Variants in VGF observed in about 807,000 individuals in gnomAD.
VGF encodes VGF nerve growth factor inducible.
A neutral mutation model predicts 41.1 loss-of-function variants in VGF; 13 were observed. That is an observed-to-expected ratio of 0.32 (90% CI 0.21 to 0.50). VGF has a LOEUF of 0.50. VGF is among the 20% of genes least tolerant of loss of function. The pLI, the probability that VGF is intolerant of heterozygous loss-of-function variation, is 0.98. For synonymous variants in VGF, 473 were observed against 418.3 expected (o/e 1.13, Z -1.60); for missense variants, 920 against 882.1 (o/e 1.04, Z -0.54).
chr7:101,166,999 C>T (rs1674394010), upstream of VGF, among the ~76,000 whole-genome samples: 1 of 152,032 alleles, frequency 6.6e-6, no homozygotes, highest in African/African-American at 2.4e-5. Flanking sequence ...ACACGCAGGG[C>T]ACCCGCACCC....
upstream of VGF, among the ~76,000 whole-genome samples, chr7:101,169,343 C>A (rs1216357492): frequency 6.6e-6 from 1 of 152,114 alleles, no homozygotes; most frequent in Non-Finnish European, 1.5e-5. Context: ...CAGACACACA[C>A]ACACCATCAA....
chr7:101,163,714 C>T lies in VGF; in HGVS notation c.1130G>A (p.Arg377Lys), dbSNP rs905932070. The T allele has an allele frequency of 2.8e-5, 43 of 1,535,128 alleles. No individual in the cohort carries two copies. The highest frequency in any genetic ancestry group is 1.2e-4 in the African/African-American group (9 of 72,852). ...CGCCTCCTCATCCTCTTCCCCCACC[C>T]TCTCCTCCCCGCCGCGTCTCTCCTG... ...AEQERRGGEE[R>K]VGEEDEEAAE... The change falls in exon 2 of 2, where the codon AGG (arginine) becomes AAG (lysine). Residue 377 changes from arginine (R) to lysine (K), a missense_variant. Physicochemically the swap from Arg to Lys is conservative, Grantham distance 26. Transcript: ENST00000249330. This position sits in a 1 kb window ranked among gnomAD's most constrained non-coding sequence, Gnocchi z 5.0.
chr7:101,165,128 C>T, intron 1 of VGF: 1 of 1,173,958 alleles, frequency 8.5e-7, no homozygotes, highest in Non-Finnish European at 1.1e-6. Flanking sequence ...TGCCATCGCC[C>T]ACGTACTAAG....
In VGF at chr7:101,163,201, T is replaced by G. The variant is rs779183148; in HGVS notation, c.1643A>C (p.Asn548Thr). The change falls in exon 2 of 2, where the codon AAC (asparagine) becomes ACC (threonine). Residue 548 changes from asparagine (N) to threonine (T), a missense_variant. This residue lies in a region of VGF where 257 missense variants were observed against 217.2 expected (regional missense o/e 1.18). Transcript: ENST00000249330. This position sits in a 1 kb window ranked among gnomAD's most constrained non-coding sequence, Gnocchi z 5.0. ...YPPGPYHPFP[N>T]YIRPRTLQPP... ...CTGCAGTGTCCGCGGCCGGATGTAG[T>G]TGGGGAAAGGGTGGTACGGCCCTGG... 4 of 1,542,298 alleles carry G rather than the reference T, an allele frequency of 2.6e-6. No individual in the cohort carries two copies. The African/African-American group carries it at 4.3e-5, about 17-fold the overall frequency.
At chr7:101,169,080 G>T (rs1216867182), upstream of VGF, among the ~76,000 whole-genome samples, 15 of 152,088 alleles carry the variant, frequency 9.9e-5, no homozygotes, top group Admixed American at 9.8e-4. Flanking sequence ...GGGGGCTACG[G>T]GAGGGTCTGG....
At chr7:101,169,004 C>G (rs1797264212), upstream of VGF, among the ~76,000 whole-genome samples, 1 of 152,022 alleles carries the variant, frequency 6.6e-6, no homozygotes, top group South Asian at 2.1e-4. Context: ...TTAGAACACA[C>G]TCTTGCCCTA....
chr7:101,165,881 A>G (rs1797211561), upstream of VGF, among the ~76,000 whole-genome samples: 1 of 152,168 alleles, frequency 6.6e-6, no homozygotes, highest in African/African-American at 2.4e-5. Context: ...GGATGAATGA[A>G]TGAATGGGAG....
Position 101,163,305 on chromosome 7 carries a change from G to C in VGF, c.1539C>G (p.Pro513=), listed in dbSNP as rs778052682. 1 of 1,438,702 alleles carries C rather than the reference G, an allele frequency of 7.0e-7. No homozygotes were observed. The highest frequency in any genetic ancestry group is 9.1e-7 in the Non-Finnish European group (1 of 1,101,628). The allele number at this position is 1,438,702 out of a possible 1,614,324, so 89.1% of individuals were successfully genotyped here. A position where few individuals can be genotyped will look rare whatever the true frequency, so the allele number is the denominator to read the frequency against. ...VRSPQPPPPA[P]APARDELPDW... is the part of the protein sequence containing the mutation. The stretch of plus-strand genomic sequence containing the variant: ...CCGGCAGCTCGTCTCGTGCGGGAGC[G>C]GGGGCGGGGGGCGGGGGCTGCGGGG... Residue 513 remains proline, a synonymous_variant, in exon 2 of 2, where the codon CCC becomes CCG. Transcript: ENST00000249330. The surrounding 1 kb of genome is among the most constrained non-coding windows in gnomAD (Gnocchi z 5.0).
upstream of VGF, among the ~76,000 whole-genome samples, chr7:101,167,474 G>T (rs1033067823): frequency 2.6e-5 from 4 of 152,070 alleles, no homozygotes; most frequent in African/African-American, 4.8e-5. The surrounding 1 kb of genome is among the most constrained non-coding windows in gnomAD (Gnocchi z 4.2). Flanking sequence ...TCCTCTCCCC[G>T]CCCCCATGTC....
chr7:101,167,654 T>A (rs901307374), upstream of VGF, among the ~76,000 whole-genome samples: 1 of 152,094 alleles, frequency 6.6e-6, no homozygotes, highest in Non-Finnish European at 1.5e-5. The surrounding 1 kb of genome is among the most constrained non-coding windows in gnomAD (Gnocchi z 4.2). Context: ...GGGGGCTGAC[T>A]GAGTGGCTGA....
At chr7:101,168,497 G>A (rs1044467798), upstream of VGF, among the ~76,000 whole-genome samples, 1 of 152,172 alleles carries the variant, frequency 6.6e-6, no homozygotes, top group Non-Finnish European at 1.5e-5. Context: ...TCTTGGGATA[G>A]GGAAAGGAGG....
In VGF at chr7:101,165,362, C is replaced by A; in HGVS notation, c.-21+12G>T. The A allele has an allele frequency of 2.0e-6, 2 of 985,458 alleles. No individual in the cohort carries two copies. The highest frequency in any genetic ancestry group is 4.7e-5 in the South Asian group (1 of 21,268). The allele number at this position is 985,458 out of a possible 1,614,324, so 61.0% of individuals were successfully genotyped here. A position where few individuals can be genotyped will look rare whatever the true frequency, so the allele number is the denominator to read the frequency against. On this transcript the variant is annotated intron_variant, in intron 1 of 1. Coordinates refer to ENST00000249330, the MANE Select transcript of VGF (RefSeq NM_003378.4). The stretch of plus-strand genomic sequence containing the variant: ...TGCCGAGGGTTTGAGGGACGAACAG[C>A]GGAGTATTTACCAGCTGGTGTCACG...
Position 101,165,550 on chromosome 7 carries a change from C to A in VGF, c.-197G>T, listed in dbSNP as rs1562870276. On this transcript the variant is annotated 5_prime_UTR_variant, in exon 1 of 2. Coordinates refer to ENST00000249330, the MANE Select transcript of VGF (RefSeq NM_003378.4). Reference sequence around the variant, plus strand: ...TCGGCGCGGCTCCGGGCGGCTAGCTCGCTCCGGCTTCAGCACGCTGGACAG... The same window carrying A: ...TCGGCGCGGCTCCGGGCGGCTAGCTAGCTCCGGCTTCAGCACGCTGGACAG... 2.0e-6 allele frequency: 2 copies of A among 985,290 alleles called. No individual in the cohort carries two copies. The highest frequency in any genetic ancestry group is 1.2e-6 in the Non-Finnish European group (1 of 829,932). The allele number at this position is 985,290 out of a possible 1,614,324, so 61.0% of individuals were successfully genotyped here.
At position 101,162,855 on chromosome 7, in the gene VGF, C is replaced by G. The variant is rs1319829064; in HGVS notation, c.*141G>C. ...CCCGGGAGGGGGGTCTGGCAGGTCC[C>G]GACGCAGCCCGGGGACAGGGGCAGG... On this transcript the variant is annotated 3_prime_UTR_variant, in exon 2 of 2. Transcript: ENST00000249330. The surrounding 1 kb of genome is among the most constrained non-coding windows in gnomAD (Gnocchi z 4.2). The G allele has an allele frequency of 1.5e-6, 1 of 683,808 alleles. No individual in the cohort carries two copies. The highest frequency in any genetic ancestry group is 1.5e-5 in the South Asian group (1 of 66,292). The allele number at this position is 683,808 out of a possible 1,614,324, so 42.4% of individuals were successfully genotyped here.
chr7:101,168,488 C>G (rs1797256409), upstream of VGF, among the ~76,000 whole-genome samples: 1 of 151,956 alleles, frequency 6.6e-6, no homozygotes, highest in Non-Finnish European at 1.5e-5. Flanking sequence ...GGCACAGGTT[C>G]TTGGGATAGG....
chr7:101,166,354 CCTT>C (rs1797218464), upstream of VGF, among the ~76,000 whole-genome samples: 1 of 152,182 alleles, frequency 6.6e-6, no homozygotes, highest in Admixed American at 6.5e-5. Flanking sequence ...GTGTGTCTGT[CCTT>C]CTGTCCCCTG....
chr7:101,164,685 A>G lies in VGF; in HGVS notation c.159T>C (p.Asp53=). The G allele has an allele frequency of 1.2e-6, 2 of 1,601,770 alleles. No individual in the cohort carries two copies. The highest frequency in any genetic ancestry group is 1.1e-5 in the South Asian group (1 of 89,894). ...VAGDAVPGPK[D]GSAPEVRGAR... ...CGCCTCGGACCTCTGGGGCGCTGCCATCCTTTGGCCCGGGCACTGCGTCCC... is the reference window on the plus strand; with the variant it reads ...CGCCTCGGACCTCTGGGGCGCTGCCGTCCTTTGGCCCGGGCACTGCGTCCC... The change falls in exon 2 of 2, where the codon GAT becomes GAC. Residue 53 remains aspartate (D), a synonymous_variant. Coordinates refer to ENST00000249330, the MANE Select transcript of VGF (RefSeq NM_003378.4).
At position 101,163,869 on chromosome 7, in the gene VGF, G is replaced by C. The variant is rs752517416; in HGVS notation, c.975C>G (p.Ala325=). 176 of 1,488,032 alleles carry C rather than the reference G, an allele frequency of 1.2e-4. 1 individual carries two copies. The highest frequency in any genetic ancestry group is 2.3e-4 in the Middle Eastern group (1 of 4,268). The allele number at this position is 1,488,032 out of a possible 1,614,324, so 92.2% of individuals were successfully genotyped here. A position where few individuals can be genotyped will look rare whatever the true frequency, so the allele number is the denominator to read the frequency against. Reference sequence around the variant, plus strand: ...GGAGCAGCAGGTCCGAGGCGAGGTCGGCCAGCCGCTCTTCCTGCGCCGCGG... The same window carrying C: ...GGAGCAGCAGGTCCGAGGCGAGGTCCGCCAGCCGCTCTTCCTGCGCCGCGG... ...RQAAAQEERL[A]DLASDLLLQY... The change falls in exon 2 of 2, where the codon GCC becomes GCG. Residue 325 remains alanine, a synonymous_variant. Transcript: ENST00000249330. This position sits in a 1 kb window ranked among gnomAD's most constrained non-coding sequence, Gnocchi z 5.0.
upstream of VGF, among the ~76,000 whole-genome samples, chr7:101,169,480 T>C (rs950947613): frequency 1.3e-5 from 2 of 152,000 alleles, no homozygotes; most frequent in African/African-American, 4.8e-5. Flanking sequence ...ACACACCCAC[T>C]TACACAAACA....
Sources: gnomAD v4.1 joint callset for allele counts (sites outside exome capture counted in the v4.1 genomes callset) on GRCh38, gnomAD v4.1.1 for gene constraint, gnomAD v4.1.1 regional missense constraint, Gnocchi (gnomAD v3.1) non-coding constraint, MANE v1.5 for transcripts, NCBI Gene and HGNC (gene_info 2026-07-23, HGNC 2026-07-21) for gene names.